Variants in DCC observed in about 807,000 individuals in gnomAD.
DCC encodes netrin receptor DCC.
Under a neutral mutation model 172.5 loss-of-function variants are expected in DCC, and 58 were observed. The observed-to-expected ratio is 0.34, with a 90% CI of 0.27 to 0.42. The LOEUF is 0.42. Ranked by LOEUF, DCC falls within the 10% of genes least tolerant of loss-of-function variation. The pLI, the probability that DCC is intolerant of heterozygous loss-of-function variation, is 1.00. For synonymous variants in DCC, 709 were observed against 644.5 expected (o/e 1.10, Z -1.52); for missense variants, 1,740 against 1,791.0 (o/e 0.97, Z 0.51).
intron 5 of DCC, among the ~76,000 whole-genome samples, chr18:52,988,382 T>C (rs1367842612): frequency 6.6e-6 from 1 of 152,142 alleles, no homozygotes; most frequent in Non-Finnish European, 1.5e-5. Flanking sequence ...GATTGACAGG[T>C]TTTAAAATTC....
At chr18:52,827,006 T>A (rs1295522065) in intron 2 of DCC, among the ~76,000 whole-genome samples, 2 of 152,192 alleles carry the variant, frequency 1.3e-5, no homozygotes. Context: ...GTTTAGGGTA[T>A]ATGGGTGGAT....
chr18:52,387,295 G>C (rs72916967), intron 1 of DCC, among the ~76,000 whole-genome samples: 13,910 of 152,150 alleles, frequency 0.091, 776 homozygotes, highest in South Asian at 0.16. Context: ...TGACATCATG[G>C]ACATCAGGAC....
chr18:53,182,282 A>G (rs780862526), intron 9 of DCC, among the ~76,000 whole-genome samples: 1 of 152,224 alleles, frequency 6.6e-6, no homozygotes, highest in Non-Finnish European at 1.5e-5. Flanking sequence ...CAGCCTTAGA[A>G]TGCTAACCAT....
intron 1 of DCC, among the ~76,000 whole-genome samples, chr18:52,471,865 A>T (rs145309152): frequency 1.3e-5 from 2 of 152,288 alleles, no homozygotes; most frequent in African/African-American, 2.4e-5. Flanking sequence ...TGTTTCCCTC[A>T]TAGAGAAATG....
At chr18:52,854,435 A>G (rs1598869525) in intron 2 of DCC, among the ~76,000 whole-genome samples, 1 of 152,226 alleles carries the variant, frequency 6.6e-6, no homozygotes, top group African/African-American at 2.4e-5. Flanking sequence ...TTCTAAATGA[A>G]GAGTAAACCT....
chr18:52,486,044 G>A (rs1266833918), intron 1 of DCC, among the ~76,000 whole-genome samples: 1 of 152,102 alleles, frequency 6.6e-6, no homozygotes, highest in Non-Finnish European at 1.5e-5. Context: ...TCACTTGACA[G>A]ACAGCATTCG....
intron 28 of DCC, among the ~76,000 whole-genome samples, chr18:53,529,083 C>T (rs1046493674): frequency 2.1e-5 from 3 of 145,820 alleles, no homozygotes; most frequent in African/African-American, 7.7e-5. Context: ...CACACACACA[C>T]ATTGTATGTA....
intron 1 of DCC, among the ~76,000 whole-genome samples, chr18:52,566,582 G>A (rs2033166203): frequency 6.6e-6 from 1 of 151,906 alleles, no homozygotes; most frequent in East Asian, 1.9e-4. Context: ...AACCACAGAT[G>A]GTGGTAGTTT....
intron 1 of DCC, among the ~76,000 whole-genome samples, chr18:52,433,470 T>C (rs986216595): frequency 6.6e-6 from 1 of 152,150 alleles, no homozygotes; most frequent in Admixed American, 6.6e-5. Context: ...CTCTTTATAA[T>C]ACATCAAGTC....
intron 1 of DCC, among the ~76,000 whole-genome samples, chr18:52,557,056 CTT>C (rs1340277649): frequency 4.6e-5 from 7 of 152,308 alleles, no homozygotes; most frequent in Middle Eastern, 3.4e-3. Context: ...TCAGCTCAAA[CTT>C]TAAAATCACT....
chr18:53,283,015 G>C (rs1355223180), intron 12 of DCC, among the ~76,000 whole-genome samples: 1 of 152,080 alleles, frequency 6.6e-6, no homozygotes, highest in Non-Finnish European at 1.5e-5. Context: ...ATGAGCAAAA[G>C]AATAAAAGGA....
chr18:52,484,930 T>C (rs1433612355), intron 1 of DCC, among the ~76,000 whole-genome samples: 1 of 152,158 alleles, frequency 6.6e-6, no homozygotes, highest in Non-Finnish European at 1.5e-5. Flanking sequence ...GATTGATATT[T>C]TTCTGGAGAC....
At chr18:52,856,659 A>G (rs1054421611) in intron 2 of DCC, among the ~76,000 whole-genome samples, 3 of 151,560 alleles carry the variant, frequency 2.0e-5, no homozygotes, top group Admixed American at 6.6e-5. Flanking sequence ...CAAAATGGCA[A>G]TATATATTAT....
intron 25 of DCC, chr18:53,480,876 C>G (rs905504006): frequency 5.9e-5 from 9 of 152,146 alleles, no homozygotes; most frequent in African/African-American, 2.2e-4. Flanking sequence ...ATCTGAGAAT[C>G]AGGTATCTAA....
At chr18:53,229,596 G>A (rs1383918117) in intron 12 of DCC, among the ~76,000 whole-genome samples, 1 of 152,038 alleles carries the variant, frequency 6.6e-6, no homozygotes, top group East Asian at 1.9e-4. Flanking sequence ...GCCTTCTTCG[G>A]TGTATTTGCA....
At chr18:53,318,084 T>C (rs1204116251) in intron 13 of DCC, among the ~76,000 whole-genome samples, 5 of 152,214 alleles carry the variant, frequency 3.3e-5, no homozygotes, top group African/African-American at 1.2e-4. Flanking sequence ...GGGTGTCGAT[T>C]TGAGATCTTT....
intron 1 of DCC, among the ~76,000 whole-genome samples, chr18:52,732,760 CCT>C (rs1362433141): frequency 6.6e-6 from 1 of 152,086 alleles, no homozygotes; most frequent in Non-Finnish European, 1.5e-5. Flanking sequence ...TCAGTTTTCT[CCT>C]CTCTAAAAAT....
At chr18:52,667,649 G>C (rs547804763) in intron 1 of DCC, among the ~76,000 whole-genome samples, 3 of 152,150 alleles carry the variant, frequency 2.0e-5, no homozygotes, top group Non-Finnish European at 2.9e-5. Flanking sequence ...TGAATAATTG[G>C]GATCCAGTCA....
At chr18:53,315,721 C>CT (rs1313362641) in intron 13 of DCC, among the ~76,000 whole-genome samples, 18 of 151,064 alleles carry the variant, frequency 1.2e-4, no homozygotes, top group South Asian at 4.2e-4. Flanking sequence ...CAGTGATGAG[C>CT]TTTTTTTTTC....
Sources: allele counts gnomAD v4.1 joint callset (sites outside exome capture counted in the v4.1 genomes callset), GRCh38; gene constraint gnomAD v4.1.1; transcripts MANE v1.5; gene names NCBI Gene and HGNC (gene_info 2026-07-23, HGNC 2026-07-21).